CORO2B: variants seen among roughly 807,000 people sequenced by gnomAD.
CORO2B encodes the protein coronin 2B, also known as coronin-2B.
Under a neutral mutation model 58.8 loss-of-function variants are expected in CORO2B, and 26 were observed. The ratio of observed to expected loss-of-function variants is 0.44; its 90% CI spans 0.32 to 0.61. The LOEUF is 0.61. Ranked by LOEUF, CORO2B falls within the 20% of genes least tolerant of loss-of-function variation. The pLI is 0.04. For missense variants in CORO2B, 460 were observed against 645.1 expected, an observed-to-expected ratio of 0.71 and a Z score of 3.11; for synonymous variants, 242 against 253.8, an observed-to-expected ratio of 0.95 and a Z score of 0.44.
chr15:68,548,030 G>A, the CORO2B span, among the ~76,000 whole-genome samples: 1 of 151,982 alleles, frequency 6.6e-6, no homozygotes. Context: ...AATTAGCCTG[G>A]CATGGTGGTG....
At chr15:68,672,021 C>T (rs1289142619) in intron 2 of CORO2B, among the ~76,000 whole-genome samples, 2 of 152,038 alleles carry the variant, frequency 1.3e-5, no homozygotes, top group Non-Finnish European at 1.5e-5. Flanking sequence ...TTTGGAAGCC[C>T]TTGAGAGCAT....
At position 68,693,570 on chromosome 15, in the gene CORO2B, A is replaced by T. The variant is rs138146278; in HGVS notation, c.217-1570A>T. On this transcript the variant is annotated intron_variant, in intron 2 of 11. Transcript: ENST00000261861. ...GGAAAAAGACCTGAGAGATGGAAGCATAGCTTCTGCCTATTCCCCCTCCCT... is the reference window on the plus strand; with the variant it reads ...GGAAAAAGACCTGAGAGATGGAAGCTTAGCTTCTGCCTATTCCCCCTCCCT... Among the ~76,000 whole-genome samples, 28 of 152,334 alleles carry T rather than the reference A, an allele frequency of 1.8e-4. No homozygotes were observed. The East Asian group carries it at 5.4e-3, about 29-fold the overall frequency.
At chr15:68,559,631 T>G in the CORO2B span, 1 of 985,242 alleles carries the variant, frequency 1.0e-6, no homozygotes, top group Non-Finnish European at 1.2e-6. This position sits in a 1 kb window ranked among gnomAD's most constrained non-coding sequence, Gnocchi z 4.3. Context: ...GCCCCCAGAC[T>G]TTTTCTTTCC....
chr15:68,543,120 G>A, the CORO2B span, among the ~76,000 whole-genome samples: 9 of 152,332 alleles, frequency 5.9e-5, no homozygotes, highest in East Asian at 1.5e-3. Flanking sequence ...CAGGGATCGG[G>A]GGGTGGAGGG....
the CORO2B span, among the ~76,000 whole-genome samples, chr15:68,561,225 G>A: frequency 6.6e-6 from 1 of 152,298 alleles, no homozygotes; most frequent in South Asian, 2.1e-4. Context: ...GGAGAGGGCT[G>A]GGCTGGGACA....
At chr15:68,562,820 A>G in the CORO2B span, among the ~76,000 whole-genome samples, 161 of 151,992 alleles carry the variant, frequency 1.1e-3, no homozygotes, top group African/African-American at 3.7e-3. Flanking sequence ...ACTAAAAAAT[A>G]CAAAAAATTA....
At chr15:68,553,205 G>C in the CORO2B span, among the ~76,000 whole-genome samples, 2 of 152,272 alleles carry the variant, frequency 1.3e-5, no homozygotes, top group African/African-American at 2.4e-5. Flanking sequence ...AGGGGTGGTC[G>C]GCTGAATGAT....
In CORO2B at chr15:68,710,674, T is replaced by C; in HGVS notation, c.334-58T>C. The C allele has an allele frequency of 2.7e-6, 4 of 1,472,574 alleles. No homozygotes were observed. Among genetic ancestry groups the C allele is most frequent in the South Asian group, 2.9e-5 (2 of 69,302 alleles). 91.2% of individuals were successfully genotyped at this position (1,472,574 alleles called of 1,614,324 possible). A position where few individuals can be genotyped will look rare whatever the true frequency, so the allele number is the denominator to read the frequency against. On this transcript the variant is annotated intron_variant, in intron 3 of 11. Coordinates refer to ENST00000261861, the MANE Select transcript of CORO2B (RefSeq NM_006091.5). This position sits in a 1 kb window ranked among gnomAD's most constrained non-coding sequence, Gnocchi z 4.1. The stretch of plus-strand genomic sequence containing the variant: ...TGGTGTCCGAGGAAAGGGGCACCTC[T>C]CATCAAGGGACTTCTTGGCCGTGTC...
chr15:68,705,654 A>T (rs1224320734), intron 3 of CORO2B, among the ~76,000 whole-genome samples: 1 of 152,054 alleles, frequency 6.6e-6, no homozygotes, highest in Non-Finnish European at 1.5e-5. Context: ...CCTTCATTCC[A>T]TGAGACTTGA....
At chr15:68,678,265 T>C (rs1416139506) in intron 2 of CORO2B, among the ~76,000 whole-genome samples, 3 of 152,126 alleles carry the variant, frequency 2.0e-5, no homozygotes, top group Non-Finnish European at 2.9e-5. Flanking sequence ...TAGCACTCCA[T>C]AGTAAGAGCA....
intron 2 of CORO2B, among the ~76,000 whole-genome samples, chr15:68,677,536 G>A (rs1902628345): frequency 6.6e-6 from 1 of 152,194 alleles, no homozygotes; most frequent in South Asian, 2.1e-4. Context: ...ATGGTGGCGG[G>A]GGGATGCTGA....
chr15:68,686,020 G>GTT (rs56168498), intron 2 of CORO2B, among the ~76,000 whole-genome samples: 30 of 103,316 alleles, frequency 2.9e-4, no homozygotes, highest in African/African-American at 7.9e-4. Context: ...TCCTACTTCT[G>GTT]TTTTTTTTTT....
chr15:68,531,890 GTATT>G, the CORO2B span, among the ~76,000 whole-genome samples: 2 of 151,614 alleles, frequency 1.3e-5, no homozygotes, highest in South Asian at 2.1e-4. Flanking sequence ...AAAAAAAAAA[GTATT>G]TAGTTTGTCT....
At position 68,651,301 on chromosome 15, in the gene CORO2B, A is replaced by T. The variant is rs144105623; in HGVS notation, c.216+5941A>T. On this transcript the variant is annotated intron_variant, in intron 2 of 11. Coordinates refer to ENST00000261861, the MANE Select transcript of CORO2B (RefSeq NM_006091.5). ...TCAGGGCTGGGCCTGCAGGCGTGGG[A>T]CAGCCTCTAGGTTGGTGCAGGGGGT... 9.5e-3 allele frequency among the ~76,000 whole-genome samples: 1,447 copies of T among 152,330 alleles called. 24 individuals are homozygous for T. The highest frequency in any genetic ancestry group is 0.033 in the African/African-American group (1,385 of 41,578).
chr15:68,573,083 C>T, the CORO2B span, among the ~76,000 whole-genome samples: 1 of 152,132 alleles, frequency 6.6e-6, no homozygotes, highest in Non-Finnish European at 1.5e-5. Context: ...GGTGAGGGCC[C>T]CCCAGCCAAG....
At chr15:68,670,593 C>T (rs1483598579) in intron 2 of CORO2B, among the ~76,000 whole-genome samples, 1 of 152,062 alleles carries the variant, frequency 6.6e-6, no homozygotes, top group African/African-American at 2.4e-5. Context: ...ACAAAGAGCT[C>T]TTATAAATTA....
intron 5 of CORO2B, 72 bp downstream of exon 5, chr15:68,711,778 G>A: frequency 1.9e-6 from 3 of 1,569,792 alleles, no homozygotes; most frequent in Non-Finnish European, 2.6e-6. Context: ...AGCAGGCCTG[G>A]AAGAAAAAGG....
intron 2 of CORO2B, among the ~76,000 whole-genome samples, chr15:68,662,091 G>T (rs560273309): frequency 2.5e-4 from 38 of 152,176 alleles, no homozygotes; most frequent in Admixed American, 2.4e-3. Flanking sequence ...TTTCTTAATG[G>T]CTTCTAGGAA....
At chr15:68,533,296 G>A in the CORO2B span, among the ~76,000 whole-genome samples, 1 of 152,134 alleles carries the variant, frequency 6.6e-6, no homozygotes, top group Non-Finnish European at 1.5e-5. Context: ...AAAGGTAAGT[G>A]TGGATTCTGT....
Sources: gnomAD v4.1 joint callset for allele counts (sites outside exome capture counted in the v4.1 genomes callset) on GRCh38, gnomAD v4.1.1 for gene constraint, Gnocchi (gnomAD v3.1) non-coding constraint, MANE v1.5 for transcripts, NCBI Gene and HGNC (gene_info 2026-07-23, HGNC 2026-07-21) for gene names.